The following KCNIP4 variants were observed in gnomAD, a reference collection of about 807,000 sequenced individuals.
KCNIP4 encodes potassium voltage-gated channel interacting protein 4, also known as Kv channel-interacting protein 4.
In KCNIP4, 12 loss-of-function variants were observed where a neutral mutation model predicts 34.0. That is an observed-to-expected ratio of 0.35 (90% CI 0.23 to 0.57). KCNIP4 has a LOEUF of 0.57. Among genes scored for constraint, KCNIP4 ranks in the 20% least tolerant of loss-of-function variants. KCNIP4 has a pLI of 0.83. For missense variants in KCNIP4, 238 were observed against 311.7 expected, an observed-to-expected ratio of 0.76 and a Z score of 1.78; for synonymous variants, 124 against 102.2, an observed-to-expected ratio of 1.21 and a Z score of -1.29.
intron 1 of KCNIP4, among the ~76,000 whole-genome samples, chr4:21,027,290 G>A (rs895802324): frequency 6.6e-6 from 1 of 152,102 alleles, no homozygotes; most frequent in African/African-American, 2.4e-5. Context: ...GATTGTCTAT[G>A]GCTACAACAG....
At chr4:21,907,670 G>A in intron 1 of KCNIP4, among the ~76,000 whole-genome samples, 1 of 152,134 alleles carries the variant, frequency 6.6e-6, no homozygotes. Context: ...AATCAGTAGT[G>A]TTTCTGTGTT....
At chr4:21,416,937 C>T (rs1267842286) in intron 1 of KCNIP4, among the ~76,000 whole-genome samples, 1 of 152,116 alleles carries the variant, frequency 6.6e-6, no homozygotes, top group African/African-American at 2.4e-5. Flanking sequence ...CAAAGTCATG[C>T]TGATGAGAGA....
At chr4:21,730,479 G>A (rs951028614) in intron 1 of KCNIP4, among the ~76,000 whole-genome samples, 2 of 152,118 alleles carry the variant, frequency 1.3e-5, no homozygotes, top group Non-Finnish European at 2.9e-5. Flanking sequence ...TGCTTACTGG[G>A]CTGGTTCTGG....
At chr4:21,259,161 C>G (rs995071694) in intron 1 of KCNIP4, among the ~76,000 whole-genome samples, 27 of 152,268 alleles carry the variant, frequency 1.8e-4, no homozygotes, top group African/African-American at 6.3e-4. Context: ...TGGCATTCAC[C>G]ACTTTTCCAC....
chr4:21,471,556 C>A (rs1158865264), intron 1 of KCNIP4, among the ~76,000 whole-genome samples: 1 of 152,162 alleles, frequency 6.6e-6, no homozygotes, highest in Non-Finnish European at 1.5e-5. Context: ...CTGAAATTTA[C>A]ATTTTATGCA....
intron 1 of KCNIP4, among the ~76,000 whole-genome samples, chr4:20,941,037 A>T (rs1731585541): frequency 6.6e-6 from 1 of 152,178 alleles, no homozygotes; most frequent in Admixed American, 6.5e-5. Context: ...AATTATTTTG[A>T]GACGACATGA....
intron 1 of KCNIP4, among the ~76,000 whole-genome samples, chr4:20,936,221 G>C (rs1731042511): frequency 6.6e-6 from 1 of 152,102 alleles, no homozygotes; most frequent in Admixed American, 6.5e-5. Flanking sequence ...CAAAGGGGCT[G>C]TCTGTCATAA....
chr4:21,750,818 G>A (rs1191224339), intron 1 of KCNIP4, among the ~76,000 whole-genome samples: 1 of 152,096 alleles, frequency 6.6e-6, no homozygotes, highest in Non-Finnish European at 1.5e-5. Flanking sequence ...GGCTACTAAT[G>A]TGAGCATTCC....
intron 1 of KCNIP4, among the ~76,000 whole-genome samples, chr4:21,272,416 T>C (rs1762207963): frequency 1.3e-5 from 2 of 152,226 alleles, no homozygotes; most frequent in African/African-American, 2.4e-5. Context: ...AAGCATTTTA[T>C]ATGCAAGTCA....
intron 2 of KCNIP4, among the ~76,000 whole-genome samples, chr4:20,878,472 C>T (rs946685729): frequency 1.3e-5 from 2 of 152,168 alleles, no homozygotes; most frequent in African/African-American, 4.8e-5. Flanking sequence ...TGCATATATT[C>T]CCTTTCCATC....
At chr4:21,860,712 G>C (rs1725024279) in intron 1 of KCNIP4, among the ~76,000 whole-genome samples, 1 of 151,760 alleles carries the variant, frequency 6.6e-6, no homozygotes, top group African/African-American at 2.4e-5. Context: ...AGGACATTTA[G>C]AGCCCAGATC....
chr4:21,377,008 AT>A (rs58715257), intron 1 of KCNIP4, among the ~76,000 whole-genome samples: 6 of 152,072 alleles, frequency 3.9e-5, no homozygotes, highest in East Asian at 3.9e-4. Flanking sequence ...ATAGGAAGGC[AT>A]TTTTTTTCCT....
chr4:21,021,886 T>TATAGG (rs1740095849), intron 1 of KCNIP4, among the ~76,000 whole-genome samples: 3 of 151,902 alleles, frequency 2.0e-5, no homozygotes, highest in African/African-American at 4.8e-5. Flanking sequence ...TATAGTATAG[T>TATAGG]ATAGTATAGT....
chr4:21,443,795 T>C (rs577867279), intron 1 of KCNIP4, among the ~76,000 whole-genome samples: 1 of 152,234 alleles, frequency 6.6e-6, no homozygotes, highest in South Asian at 2.1e-4. Context: ...TAGCTGGGCA[T>C]AGTCATTTGT....
intron 8 of KCNIP4, among the ~76,000 whole-genome samples, chr4:20,730,504 A>G (rs1343135260): frequency 6.6e-6 from 1 of 152,190 alleles, no homozygotes; most frequent in Non-Finnish European, 1.5e-5. Flanking sequence ...CAAATCACAC[A>G]GACTTTTATA....
At chr4:21,703,607 A>C (rs1286334822) in intron 1 of KCNIP4, among the ~76,000 whole-genome samples, 1 of 152,182 alleles carries the variant, frequency 6.6e-6, no homozygotes, top group Non-Finnish European at 1.5e-5. Context: ...CTAGCAATGA[A>C]CATATGGGCA....
intron 1 of KCNIP4, among the ~76,000 whole-genome samples, chr4:21,550,353 C>G (rs2009807): frequency 0.23 from 34,257 of 151,922 alleles, 4,631 homozygotes; most frequent in Middle Eastern, 0.39. Flanking sequence ...GGGTAAACTA[C>G]ATTAATAATG....
At chr4:21,887,143 G>A (rs1174719364) in intron 1 of KCNIP4, among the ~76,000 whole-genome samples, 1 of 152,110 alleles carries the variant, frequency 6.6e-6, no homozygotes, top group Non-Finnish European at 1.5e-5. Flanking sequence ...CTTAAGAGTA[G>A]ATGATAATGG....
chr4:21,720,041 AGGAGAAGAG>A (rs1456816512), intron 1 of KCNIP4, among the ~76,000 whole-genome samples: 24 of 146,746 alleles, frequency 1.6e-4, no homozygotes, highest in African/African-American at 5.2e-4. Flanking sequence ...GAGAAGGAGA[AGGAGAAGAG>A]GAAAAAGAAG....
Sources: gnomAD v4.1 joint callset for allele counts (sites outside exome capture counted in the v4.1 genomes callset) on GRCh38, gnomAD v4.1.1 for gene constraint, MANE v1.5 for transcripts, NCBI Gene and HGNC (gene_info 2026-07-23, HGNC 2026-07-21) for gene names.